Variants in TBRG1 observed in about 807,000 individuals in gnomAD.
The protein encoded by TBRG1 is transforming growth factor beta regulator 1, also known as nuclear interactor of ARF and MDM2.
Under a neutral mutation model 44.0 loss-of-function variants are expected in TBRG1, and 31 were observed. That is an observed-to-expected ratio of 0.70 (90% CI 0.53 to 0.95). The LOEUF is 0.95. Ranked by LOEUF, TBRG1 falls within the 40% of genes least tolerant of loss-of-function variation. The pLI is 0.00. For synonymous variants in TBRG1, 171 were observed against 188.1 expected, an observed-to-expected ratio of 0.91 and a Z score of 0.74; for missense variants, 487 against 496.1, an observed-to-expected ratio of 0.98 and a Z score of 0.18.
At chr11:124,631,242 A>C (rs762152416) in intron 7 of TBRG1, 33 bp from the exon 8 acceptor site, 5 of 1,528,874 alleles carry the variant, frequency 3.3e-6, no homozygotes, top group Non-Finnish European at 4.4e-6. Flanking sequence ...TCTAGCAGAT[A>C]ACTCTCAAGG....
Position 124,622,882 on chromosome 11 carries a change from G to A in TBRG1, c.-202G>A. On this transcript the variant is annotated 5_prime_UTR_variant, in exon 1 of 9. Coordinates refer to ENST00000441174, the MANE Select transcript of TBRG1 (RefSeq NM_032811.3). ...AGGGCTTACTTCCAAGACAGACACGGAAGTGCTGGGAGGCGCCGGGAGCCC... is the reference window on the plus strand; with the variant it reads ...AGGGCTTACTTCCAAGACAGACACGAAAGTGCTGGGAGGCGCCGGGAGCCC... 3 of 570,892 alleles carry A rather than the reference G, an allele frequency of 5.3e-6. No individual in the cohort carries two copies. Among genetic ancestry groups the A allele is most frequent in the South Asian group, 2.3e-5 (1 of 43,326 alleles). The allele number at this position is 570,892 out of a possible 1,614,324, so 35.4% of individuals were successfully genotyped here.
chr11:124,624,708 AGATGTCCCG>A (rs978329107), intron 1 of TBRG1, among the ~76,000 whole-genome samples: 7 of 152,136 alleles, frequency 4.6e-5, no homozygotes, highest in Admixed American at 6.5e-5. Flanking sequence ...TTTCACTCAA[AGATGTCCCG>A]GATTGGATAA....
chr11:124,634,726 ATATTC>A lies in TBRG1; in HGVS notation c.*2493_*2497del, dbSNP rs1346624119. 2 of 152,216 alleles carry A rather than the reference ATATTC, an allele frequency of 1.3e-5. No individual in the cohort carries two copies. The highest frequency in any genetic ancestry group is 2.9e-5 in the Non-Finnish European group (2 of 68,036). The allele number at this position is 152,216 out of a possible 1,614,324, so 9.4% of individuals were successfully genotyped here. ...CCACAAACTGAAACACTCTAAATCT[ATATTC>A]TATTATTTACATAAGAAAATTATTT... On this transcript the variant is annotated 3_prime_UTR_variant, in exon 9 of 9. Coordinates refer to ENST00000441174, the MANE Select transcript of TBRG1 (RefSeq NM_032811.3).
Position 124,632,589 on chromosome 11 carries a change from A to T in TBRG1, c.*351A>T, listed in dbSNP as rs1012372357. On this transcript the variant is annotated 3_prime_UTR_variant, in exon 9 of 9. Coordinates refer to ENST00000441174, the MANE Select transcript of TBRG1 (RefSeq NM_032811.3). ...ATAGACAGGTTGGTTTATAAATAACATGAATTTATTTCTCACAGTTCTGGA... is the reference window on the plus strand; with the variant it reads ...ATAGACAGGTTGGTTTATAAATAACTTGAATTTATTTCTCACAGTTCTGGA... 1.1e-5 allele frequency: 2 copies of T among 175,168 alleles called. No individual in the cohort carries two copies. The highest frequency in any genetic ancestry group is 4.8e-5 in the African/African-American group (2 of 41,714). 10.9% of individuals were successfully genotyped at this position (175,168 alleles called of 1,614,324 possible).
intron 5 of TBRG1, 87 bp downstream of exon 5, chr11:124,627,137 TAGATATGTATA>T: frequency 1.1e-6 from 1 of 949,128 alleles, no homozygotes; most frequent in Non-Finnish European, 1.6e-6. Context: ...CCTTACAAGG[TAGATATGTATA>T]ATCACCATTT....
chr11:124,624,372 A>G (rs1014409285), intron 1 of TBRG1, among the ~76,000 whole-genome samples: 4 of 147,252 alleles, frequency 2.7e-5, no homozygotes, highest in African/African-American at 8.0e-5. Context: ...ACAAAAAAAA[A>G]AAAAAAAAAA....
intron 3 of TBRG1, among the ~76,000 whole-genome samples, 198 bp from the exon 4 acceptor site, chr11:124,626,275 A>G (rs538166767): frequency 2.0e-5 from 3 of 152,344 alleles, no homozygotes; most frequent in African/African-American, 7.2e-5. Context: ...TAAAAAGTAT[A>G]AGGCCTTTGG....
At chr11:124,626,690 T>C (rs983087302) in intron 4 of TBRG1, 81 bp downstream of exon 4, 6 of 1,508,004 alleles carry the variant, frequency 4.0e-6, no homozygotes, top group Non-Finnish European at 4.5e-6. Flanking sequence ...CTGTTCCCAT[T>C]AGCAGCAGCC....
chr11:124,624,839 T>C lies in TBRG1; in HGVS notation c.151-92T>C, dbSNP rs1460832302. On this transcript the variant is annotated intron_variant, in intron 1 of 8. Coordinates refer to ENST00000441174, the MANE Select transcript of TBRG1 (RefSeq NM_032811.3). Reference sequence around the variant, plus strand: ...GCTCCTTCTTCTCAGTAATACAAGCTTTTTTGGTTTGAAATATGGATCCTC... The same window carrying C: ...GCTCCTTCTTCTCAGTAATACAAGCCTTTTTGGTTTGAAATATGGATCCTC... 5.8e-6 allele frequency: 5 copies of C among 856,120 alleles called. No individual in the cohort carries two copies. In the Admixed American group the frequency reaches 1.3e-4, roughly 23 times the overall value. The allele number at this position is 856,120 out of a possible 1,614,324, so 53.0% of individuals were successfully genotyped here.
Position 124,632,303 on chromosome 11 carries a change from G to T in TBRG1, c.*65G>T. ...TAATTTAACTTAAACTAAAATTTTGGGTATATGAAAGAAGGCAGCAATTCA... is the reference window on the plus strand; with the variant it reads ...TAATTTAACTTAAACTAAAATTTTGTGTATATGAAAGAAGGCAGCAATTCA... On this transcript the variant is annotated 3_prime_UTR_variant, in exon 9 of 9. Transcript: ENST00000441174. 1 of 1,508,240 alleles carries T rather than the reference G, an allele frequency of 6.6e-7. No homozygotes were observed. The highest frequency in any genetic ancestry group is 1.4e-5 in the African/African-American group (1 of 72,570). 93.4% of individuals were successfully genotyped at this position (1,508,240 alleles called of 1,614,324 possible).
intron 5 of TBRG1, chr11:124,629,859 G>C (rs1486640026): frequency 6.5e-6 from 1 of 153,108 alleles, no homozygotes; most frequent in African/African-American, 2.4e-5. Flanking sequence ...AAATCAGCTA[G>C]TTAACTTGTT....
chr11:124,625,261 A>G (rs1251185327), intron 2 of TBRG1, among the ~76,000 whole-genome samples: 1 of 152,254 alleles, frequency 6.6e-6, no homozygotes, highest in Non-Finnish European at 1.5e-5. Flanking sequence ...CATCTAATAA[A>G]TAATCTTACT....
Position 124,630,360 on chromosome 11 carries a change from G to T in TBRG1, c.739-28G>T, listed in dbSNP as rs77814446. 15,492 of 1,423,008 alleles carry T rather than the reference G, an allele frequency of 0.011. 1,205 individuals carry two copies. In the African/African-American group the frequency reaches 0.18, roughly 16 times the overall value. The allele number at this position is 1,423,008 out of a possible 1,614,324, so 88.1% of individuals were successfully genotyped here. On this transcript the variant is annotated intron_variant, in intron 5 of 8. Coordinates refer to ENST00000441174, the MANE Select transcript of TBRG1 (RefSeq NM_032811.3). ...CCTCTCTCCTTCCTTCTTGAGGATT[G>T]ATCTCATTGCTCGTTTGTCTTTCTC...
intron 4 of TBRG1, 116 bp downstream of exon 4, chr11:124,626,725 G>A (rs1942481057): frequency 7.0e-7 from 1 of 1,424,892 alleles, no homozygotes. Flanking sequence ...ACCAACCCCA[G>A]CGTATCTCCA....
At chr11:124,627,073 C>T in intron 5 of TBRG1, 23 bp downstream of exon 5, 2 of 1,452,488 alleles carry the variant, frequency 1.4e-6, no homozygotes, top group Non-Finnish European at 1.9e-6. Flanking sequence ...ATAATAACCA[C>T]TGTTTGTCTT....
In TBRG1 at chr11:124,631,260, C is replaced by G. The variant is rs765765009; in HGVS notation, c.948-15C>G. 1 of 1,551,450 alleles carries G rather than the reference C, an allele frequency of 6.4e-7. No homozygotes were observed. The highest frequency in any genetic ancestry group is 8.7e-7 in the Non-Finnish European group (1 of 1,151,464). ...AGCAGATAACTCTCAAGGGTGATTT[C>G]CCTTGATTCTGCAGTTACCAGTGGG... On this transcript the variant is annotated splice_polypyrimidine_tract_variant and intron_variant, in intron 7 of 8. Transcript: ENST00000441174.
rs1415484358 is a variant in TBRG1 at position 124,622,880 on chromosome 11, C to T, written c.-204C>T. ...GAAGGGCTTACTTCCAAGACAGACA[C>T]GGAAGTGCTGGGAGGCGCCGGGAGC... is the stretch of plus-strand genomic sequence containing the variant. On this transcript the variant is annotated 5_prime_UTR_variant, in exon 1 of 9. It adds an upstream start codon to the 5' untranslated region. Coordinates refer to ENST00000441174, the MANE Select transcript of TBRG1 (RefSeq NM_032811.3). 3 of 564,088 alleles carry T rather than the reference C, an allele frequency of 5.3e-6. No individual in the cohort carries two copies. Among genetic ancestry groups the T allele is most frequent in the Non-Finnish European group, 6.2e-6 (2 of 324,256 alleles). 34.9% of individuals were successfully genotyped at this position (564,088 alleles called of 1,614,324 possible). A position where few individuals can be genotyped will look rare whatever the true frequency, so the allele number is the denominator to read the frequency against.
At position 124,632,684 on chromosome 11, in the gene TBRG1, C is replaced by G. The variant is rs983352059; in HGVS notation, c.*446C>G. The G allele has an allele frequency of 1.3e-5, 2 of 159,712 alleles. No individual in the cohort carries two copies. Among genetic ancestry groups the G allele is most frequent in the African/African-American group, 4.8e-5 (2 of 41,486 alleles). The allele number at this position is 159,712 out of a possible 1,614,324, so 9.9% of individuals were successfully genotyped here. ...GAGGGCCCACTTCCTAGTTCTTAGA[C>G]AGCTGTCTTCCTGCAGTGTCCTCAC... On this transcript the variant is annotated 3_prime_UTR_variant, in exon 9 of 9. Coordinates refer to ENST00000441174, the MANE Select transcript of TBRG1 (RefSeq NM_032811.3).
At chr11:124,623,287 C>T (rs1208328980) in intron 1 of TBRG1, 54 bp downstream of exon 1, 6 of 1,544,038 alleles carry the variant, frequency 3.9e-6, no homozygotes, top group Non-Finnish European at 2.6e-6. Flanking sequence ...CTCACAAAAT[C>T]TTTCCCCAAG....
Sources: gnomAD v4.1 joint callset for allele counts (sites outside exome capture counted in the v4.1 genomes callset) on GRCh38, gnomAD v4.1.1 for gene constraint, MANE v1.5 for transcripts, NCBI Gene and HGNC (gene_info 2026-07-23, HGNC 2026-07-21) for gene names.